Variants in CARMIL3 observed in about 807,000 individuals in gnomAD.
CARMIL3 encodes capping protein, Arp2/3 and myosin-I linker protein 3.
A neutral mutation model predicts 180.8 loss-of-function variants in CARMIL3; 88 were observed. That is an observed-to-expected ratio of 0.49 (90% CI 0.41 to 0.58). CARMIL3 has a LOEUF of 0.58. CARMIL3 is among the 20% of genes least tolerant of loss of function. The probability of loss-of-function intolerance (pLI) is 0.00; values close to 1 mark genes in which losing one functional copy is unlikely to be tolerated. For synonymous variants in CARMIL3, 696 were observed against 714.5 expected (o/e 0.97, Z 0.41); for missense variants, 1,548 against 1,787.0 (o/e 0.87, Z 2.41).
chr14:24,054,745 G>A lies in CARMIL3; in HGVS notation c.397G>A (p.Glu133Lys). The A allele has an allele frequency of 6.2e-7, 1 of 1,614,110 alleles. No homozygotes were observed. The highest frequency in any genetic ancestry group is 8.5e-7 in the Non-Finnish European group (1 of 1,180,014). The stretch of plus-strand genomic sequence containing the variant: ...CCGGCGTGGAAACGCAGACACCCCA[G>A]AGGGGCCCCGAGATACATCCCCCAA... The part of the protein sequence containing the change: ...LIRRGNADTP[E>K]GPRDTSPNSE... The change falls in exon 6 of 40, where the codon GAG becomes AAG. Residue 133 changes from glutamate to lysine, a missense_variant. Transcript: ENST00000342740. This position sits in a 1 kb window ranked among gnomAD's most constrained non-coding sequence, Gnocchi z 5.1.
intron 33 of CARMIL3, 172 bp from the exon 34 acceptor site, chr14:24,065,450 C>A: frequency 9.2e-7 from 1 of 1,085,172 alleles, no homozygotes; most frequent in Non-Finnish European, 1.3e-6. Flanking sequence ...CAAGAGCATG[C>A]TGGGAGTGCT....
rs1299201756 is a variant in CARMIL3, at chr14:24,061,551, C to A, written c.2359C>A (p.Arg787=). 1.2e-6 allele frequency: 2 copies of A among 1,613,990 alleles called. No individual in the cohort carries two copies. The highest frequency in any genetic ancestry group is 2.2e-5 in the East Asian group (1 of 44,854). The change falls in exon 27 of 40, where the codon CGG becomes AGG. Residue 787 remains arginine, a synonymous_variant. Coordinates refer to ENST00000342740, the MANE Select transcript of CARMIL3 (RefSeq NM_138360.4). This position sits in a 1 kb window ranked among gnomAD's most constrained non-coding sequence, Gnocchi z 4.1. The part of the protein sequence containing the change: ...LTQELCPVAM[R]VAEGHNKMLS... ...ACAGGAGTTATGCCCTGTGGCCATG[C>A]GGGTGGCCGAGGGACACAACAAGAT...
rs2035672198 is a variant in CARMIL3, at chr14:24,056,390, A to T, written c.862A>T (p.Lys288Ter). The change falls in exon 11 of 40, where the codon AAG (lysine) becomes TAG (stop). Residue 288 changes from lysine (K) to a stop codon, truncating the protein, a stop_gained. Transcript: ENST00000342740. LOFTEE classifies it high-confidence loss of function. ...LTLSHNPIED[K>*]GFLSLSQQLL... ...TCTGTCCCACAACCCCATCGAGGAC[A>T]AGGGTGAGCCCCAGCCCTGAATCCT... The T allele has an allele frequency of 6.2e-7, 1 of 1,612,856 alleles. No homozygotes were observed. The highest frequency in any genetic ancestry group is 8.5e-7 in the Non-Finnish European group (1 of 1,179,244).
chr14:24,065,312 T>C, intron 33 of CARMIL3, 39 bp downstream of exon 33: 1 of 1,457,222 alleles, frequency 6.9e-7, no homozygotes, highest in Non-Finnish European at 9.1e-7. Context: ...CCCCTTTTCC[T>C]GCCCCACACT....
At chr14:24,052,410 G>C (rs1481973281) in intron 1 of CARMIL3, among the ~76,000 whole-genome samples, 3 of 152,172 alleles carry the variant, frequency 2.0e-5, no homozygotes, top group African/African-American at 7.2e-5. Flanking sequence ...TCCTGTCCCG[G>C]AGCCGCCCGT....
At position 24,061,736 on chromosome 14, in the gene CARMIL3, G is replaced by C; in HGVS notation, c.2480+64G>C. The stretch of plus-strand genomic sequence containing the variant: ...TGGCCCAGATCACTTAGGGACTTAG[G>C]ACTGGAGAGCTATCAGCAATGAATA... On this transcript the variant is annotated intron_variant, in intron 27 of 39. Transcript: ENST00000342740. This position sits in a 1 kb window ranked among gnomAD's most constrained non-coding sequence, Gnocchi z 4.1. 6.6e-7 allele frequency: 1 copy of C among 1,521,846 alleles called. No individual in the cohort carries two copies. The highest frequency in any genetic ancestry group is 1.8e-5 in the Admixed American group (1 of 54,190). 94.3% of individuals were successfully genotyped at this position (1,521,846 alleles called of 1,614,324 possible). A position where few individuals can be genotyped will look rare whatever the true frequency, so the allele number is the denominator to read the frequency against.
chr14:24,068,258 G>A (rs147061750), intron 36 of CARMIL3, among the ~76,000 whole-genome samples: 3,996 of 152,106 alleles, frequency 0.026, 63 homozygotes, highest in African/African-American at 0.051. Flanking sequence ...TTAGCTGGGC[G>A]TGGTGGCACG....
Position 24,059,270 on chromosome 14 carries a change from T to A in CARMIL3, c.1627T>A (p.Ser543Thr). ...GTCCAACCGCCCCTTGCCCACACAGTCCCTGCAGTCACTGTCGGTGGCAGA... is the reference window on the plus strand; with the variant it reads ...GTCCAACCGCCCCTTGCCCACACAGACCCTGCAGTCACTGTCGGTGGCAGA... ...LVQLIQEEDC[S>T]LQSLSVADSR... Residue 543 changes from serine (S) to threonine (T), a missense_variant and splice_region_variant, in exon 21 of 40, where the codon TCC becomes ACC. Transcript: ENST00000342740. This position sits in a 1 kb window ranked among gnomAD's most constrained non-coding sequence, Gnocchi z 6.3. 6.2e-7 allele frequency: 1 copy of A among 1,613,868 alleles called. No individual in the cohort carries two copies. The highest frequency in any genetic ancestry group is 8.5e-7 in the Non-Finnish European group (1 of 1,179,994).
chr14:24,067,291 T>C (rs1344094817), intron 36 of CARMIL3, among the ~76,000 whole-genome samples: 1 of 152,246 alleles, frequency 6.6e-6, no homozygotes, highest in Non-Finnish European at 1.5e-5. Context: ...TCAGAGCACC[T>C]TCCGCTTAGG....
At position 24,052,100 on chromosome 14, in the gene CARMIL3, C is replaced by T; in HGVS notation, c.-54C>T. ...AAGCCGGGTCTAGCATGTGCCGCGG[C>T]TCCCCGGCGGCGGCGGCGGCTCCTC... On this transcript the variant is annotated 5_prime_UTR_variant, in exon 1 of 40. Coordinates refer to ENST00000342740, the MANE Select transcript of CARMIL3 (RefSeq NM_138360.4). 1.3e-6 allele frequency: 2 copies of T among 1,517,326 alleles called. No individual in the cohort carries two copies. Among genetic ancestry groups the T allele is most frequent in the Non-Finnish European group, 8.8e-7 (1 of 1,137,102 alleles). The allele number at this position is 1,517,326 out of a possible 1,614,324, so 94.0% of individuals were successfully genotyped here.
rs2035648354 is a variant in CARMIL3 at position 24,054,186 on chromosome 14, C to G, written c.186+48C>G. ...AGAGCACCTGGCATGCTCCCTACCT[C>G]CCAAGCCTGGCAACCCAGGTCCTTA... On this transcript the variant is annotated intron_variant, in intron 3 of 39. Coordinates refer to ENST00000342740, the MANE Select transcript of CARMIL3 (RefSeq NM_138360.4). The surrounding 1 kb of genome is among the most constrained non-coding windows in gnomAD (Gnocchi z 5.1). The G allele has an allele frequency of 1.9e-6, 3 of 1,614,148 alleles. No homozygotes were observed. The highest frequency in any genetic ancestry group is 1.6e-4 in the Middle Eastern group (1 of 6,062).
At position 24,064,984 on chromosome 14, in the gene CARMIL3, G is replaced by A. The variant is rs370099761; in HGVS notation, c.3107G>A (p.Arg1036Gln). 130 of 1,612,172 alleles carry A rather than the reference G, an allele frequency of 8.1e-5. No individual in the cohort carries two copies. Among genetic ancestry groups the A allele is most frequent in the South Asian group, 2.9e-4 (26 of 91,046 alleles). ...TACCCCCGGACTCTGAGGACCGTGCGGCCAGGACTCTCGGAGGCACCGCTG... is the reference window on the plus strand; with the variant it reads ...TACCCCCGGACTCTGAGGACCGTGCAGCCAGGACTCTCGGAGGCACCGCTG... ...SSYPRTLRTV[R>Q]PGLSEAPLPP... The change falls in exon 33 of 40, where the codon CGG (arginine) becomes CAG (glutamine). Residue 1036 changes from arginine (R) to glutamine (Q), a missense_variant. Arg to Gln is a conservative substitution (Grantham distance 43). This residue lies in a region of CARMIL3 where 668 missense variants were observed against 687.8 expected (regional missense o/e 0.97). Transcript: ENST00000342740.
rs781385900 is a variant in CARMIL3, at chr14:24,059,335, C to T, written c.1692C>T (p.Ala564=). The T allele has an allele frequency of 1.2e-6, 2 of 1,613,972 alleles. No homozygotes were observed. The highest frequency in any genetic ancestry group is 4.5e-5 in the East Asian group (2 of 44,872). ...TTCGCACCAGCATCCTCATCAATGC[C>T]CTGGGCAGCAACACCTGCCTGGCCA... ...LKLRTSILIN[A]LGSNTCLAKV... is the part of the protein sequence containing the mutation. Residue 564 remains alanine, a synonymous_variant, in exon 21 of 40, where the codon GCC becomes GCT. Coordinates refer to ENST00000342740, the MANE Select transcript of CARMIL3 (RefSeq NM_138360.4). This position sits in a 1 kb window ranked among gnomAD's most constrained non-coding sequence, Gnocchi z 6.3.
At position 24,061,175 on chromosome 14, in the gene CARMIL3, C is replaced by G; in HGVS notation, c.2304+135C>G. ...TGCAGAGTTGAGACCACCCACGCTC[C>G]CACTGTACCAAGGCATTGCTGCAAT... On this transcript the variant is annotated intron_variant, in intron 26 of 39. Transcript: ENST00000342740. The surrounding 1 kb of genome is among the most constrained non-coding windows in gnomAD (Gnocchi z 4.1). 1.4e-6 allele frequency: 1 copy of G among 734,790 alleles called. No individual in the cohort carries two copies. Among genetic ancestry groups the G allele is most frequent in the African/African-American group, 1.8e-5 (1 of 56,546 alleles). 45.5% of individuals were successfully genotyped at this position (734,790 alleles called of 1,614,324 possible).
Position 24,061,779 on chromosome 14 carries a change from C to A in CARMIL3, c.2480+107C>A. The A allele has an allele frequency of 8.2e-7, 1 of 1,214,750 alleles. No individual in the cohort carries two copies. Among genetic ancestry groups the A allele is most frequent in the Non-Finnish European group, 1.1e-6 (1 of 873,624 alleles). 75.2% of individuals were successfully genotyped at this position (1,214,750 alleles called of 1,614,324 possible). ...AATGAATAATGAATGGCACAATCTC[C>A]ATTACAAGGATCAATCTTTAACCAA... On this transcript the variant is annotated intron_variant, in intron 27 of 39. Coordinates refer to ENST00000342740, the MANE Select transcript of CARMIL3 (RefSeq NM_138360.4). This position sits in a 1 kb window ranked among gnomAD's most constrained non-coding sequence, Gnocchi z 4.1.
chr14:24,068,998 G>A, intron 38 of CARMIL3, 32 bp downstream of exon 38: 1 of 1,540,060 alleles, frequency 6.5e-7, no homozygotes, highest in Non-Finnish European at 8.8e-7. Context: ...GGGGGCTCAG[G>A]GCACCTCTAG....
Position 24,061,747 on chromosome 14 carries a change from T to A in CARMIL3, c.2480+75T>A, listed in dbSNP as rs2035735985. On this transcript the variant is annotated intron_variant, in intron 27 of 39. Coordinates refer to ENST00000342740, the MANE Select transcript of CARMIL3 (RefSeq NM_138360.4). This position sits in a 1 kb window ranked among gnomAD's most constrained non-coding sequence, Gnocchi z 4.1. ...ACTTAGGGACTTAGGACTGGAGAGC[T>A]ATCAGCAATGAATAATGAATGGCAC... The A allele has an allele frequency of 1.4e-6, 2 of 1,452,984 alleles. No homozygotes were observed. Among genetic ancestry groups the A allele is most frequent in the Non-Finnish European group, 1.9e-6 (2 of 1,063,524 alleles). The allele number at this position is 1,452,984 out of a possible 1,614,324, so 90.0% of individuals were successfully genotyped here.
rs373930180 is a variant in CARMIL3 at position 24,056,254 on chromosome 14, C to T, written c.771-45C>T. 2.6e-6 allele frequency: 4 copies of T among 1,532,044 alleles called. No individual in the cohort carries two copies. The African/African-American group carries it at 5.5e-5, about 21-fold the overall frequency. The allele number at this position is 1,532,044 out of a possible 1,614,324, so 94.9% of individuals were successfully genotyped here. A position where few individuals can be genotyped will look rare whatever the true frequency, so the allele number is the denominator to read the frequency against. On this transcript the variant is annotated intron_variant, in intron 10 of 39. Transcript: ENST00000342740. ...AGGAGGGGAAGCCCAGAGGCTGGGA[C>T]CTGGGGCTCAGCTCAGGACAAATCC...
intron 1 of CARMIL3, among the ~76,000 whole-genome samples, chr14:24,053,062 G>GCA (rs35652143): frequency 0.046 from 6,957 of 150,106 alleles, 430 homozygotes; most frequent in African/African-American, 0.14. Context: ...ACACGCGCGT[G>GCA]CACACACACA....
Sources: allele counts gnomAD v4.1 joint callset (sites outside exome capture counted in the v4.1 genomes callset), GRCh38; gene constraint gnomAD v4.1.1; regional missense constraint gnomAD v4.1.1; non-coding constraint Gnocchi (gnomAD v3.1); transcripts MANE v1.5; gene names NCBI Gene and HGNC (gene_info 2026-07-23, HGNC 2026-07-21).